The following RECQL4 variants were observed in gnomAD, a reference collection of about 807,000 sequenced individuals.
RECQL4 encodes the protein RecQ like helicase 4, also known as ATP-dependent DNA helicase Q4.
A neutral mutation model predicts 128.6 loss-of-function variants in RECQL4; 158 were observed. The ratio of observed to expected loss-of-function variants is 1.23; its 90% CI spans 1.08 to 1.40. The LOEUF is 1.40. RECQL4 is among the 40% of genes most tolerant of loss of function. The pLI is 0.00. For synonymous variants in RECQL4, 996 were observed against 678.9 expected (o/e 1.47, Z -7.26); for missense variants, 2,293 against 1,649.8 (o/e 1.39, Z -6.75).
chr8:144,514,282 C>G lies in RECQL4; in HGVS notation c.1785G>C (p.Gln595His), dbSNP rs1322763528. The change falls in exon 11 of 21, where the codon CAG (glutamine) becomes CAC (histidine). Residue 595 changes from glutamine (Q) to histidine (H), a missense_variant. Transcript: ENST00000617875. Reference protein sequence around the residue: ...VGAGGLPPAAQLPPVAFACID... With the variant: ...VGAGGLPPAAHLPPVAFACID... ...TGCAGGCAAAAGCAACTGGAGGCAG[C>G]TGTGCGGCTGGAGGGAGGCCTCCCG... 6.2e-7 allele frequency: 1 copy of G among 1,611,756 alleles called. No individual in the cohort carries two copies. Among genetic ancestry groups the G allele is most frequent in the Admixed American group, 1.7e-5 (1 of 59,960 alleles).
At chr8:144,514,384 G>C (rs749849762) in intron 10 of RECQL4, 22 bp from the exon 11 acceptor site, 1 of 1,599,536 alleles carries the variant, frequency 6.3e-7, no homozygotes, top group South Asian at 1.1e-5. Flanking sequence ...AAGATCAGAG[G>C]CACAGCCCAG....
chr8:144,512,869 C>G lies in RECQL4; in HGVS notation c.2733G>C (p.Gln911His). The G allele has an allele frequency of 1.2e-6, 2 of 1,600,740 alleles. No homozygotes were observed. Among genetic ancestry groups the G allele is most frequent in the Non-Finnish European group, 1.7e-6 (2 of 1,173,934 alleles). The change falls in exon 15 of 21, where the codon CAG becomes CAC. Residue 911 changes from glutamine to histidine, a missense_variant. Gln to His is a conservative substitution (Grantham distance 24). Coordinates refer to ENST00000617875, the MANE Select transcript of RECQL4 (RefSeq NM_004260.4). ...CACCCTCCTCCGGCATGTCCAAAGCCTGTACGGTAAGCTGTATTGGGAGTG... is the reference window on the plus strand; with the variant it reads ...CACCCTCCTCCGGCATGTCCAAAGCGTGTACGGTAAGCTGTATTGGGAGTG... ...ERALPIQLTVQALDMPEEAIE... is the reference protein window; with the variant it reads ...ERALPIQLTVHALDMPEEAIE...
Position 144,517,206 on chromosome 8 carries a change from G to A in RECQL4, c.214-16C>T, listed in dbSNP as rs371301551. On this transcript the variant is annotated splice_polypyrimidine_tract_variant and intron_variant, in intron 3 of 20. Transcript: ENST00000617875. The stretch of plus-strand genomic sequence containing the variant: ...GCTCTGGCGCCTGCAGGAGACAACA[G>A]GGGCACAGGCCAGAAAAGGCTGTTG... The A allele has an allele frequency of 3.1e-5, 50 of 1,587,404 alleles. No individual in the cohort carries two copies. The African/African-American group carries it at 6.0e-4, about 19-fold the overall frequency.
At chr8:144,516,997 G>C (rs1396160837) in intron 4 of RECQL4, 53 bp downstream of exon 4, 1 of 1,569,326 alleles carries the variant, frequency 6.4e-7, no homozygotes, top group Non-Finnish European at 8.7e-7. Flanking sequence ...GGGCGACCCG[G>C]ACCGGAAGCA....
Position 144,517,594 on chromosome 8 carries a change from G to A in RECQL4, c.118+8C>T, listed in dbSNP as rs1157702150. On this transcript the variant is annotated splice_region_variant and intron_variant, in intron 2 of 20. Coordinates refer to ENST00000617875, the MANE Select transcript of RECQL4 (RefSeq NM_004260.4). ...CTTCTCGCCCCCGCCGCCCCGCCGC[G>A]CGCTCACCGCGGGTCTCCTCCGGCG... is the stretch of plus-strand genomic sequence containing the variant. The A allele has an allele frequency of 2.7e-6, 4 of 1,480,768 alleles. No individual in the cohort carries two copies. Among genetic ancestry groups the A allele is most frequent in the Non-Finnish European group, 2.7e-6 (3 of 1,124,370 alleles). The allele number at this position is 1,480,768 out of a possible 1,614,324, so 91.7% of individuals were successfully genotyped here.
Position 144,514,099 on chromosome 8 carries a change from C to G in RECQL4, c.1887G>C (p.Arg629=), listed in dbSNP as rs774077187. 18 of 1,604,622 alleles carry G rather than the reference C, an allele frequency of 1.1e-5. No homozygotes were observed. Among genetic ancestry groups the G allele is most frequent in the Non-Finnish European group, 1.5e-5 (18 of 1,176,530 alleles). ...PCYLRVCKVL[R]ERMGVHCFLG... ...GGAAGCAGTGCACGCCCATGCGCTC[C>G]CGAAGCACCTGCACCAGAGGCGGCA... is the stretch of plus-strand genomic sequence containing the variant. Residue 629 remains arginine (R), a synonymous_variant, in exon 12 of 21, where the codon CGG becomes CGC. Coordinates refer to ENST00000617875, the MANE Select transcript of RECQL4 (RefSeq NM_004260.4).
At chr8:144,515,595 G>C (rs914011934) in intron 6 of RECQL4, 138 bp from the exon 7 acceptor site, 1 of 1,488,466 alleles carries the variant, frequency 6.7e-7, no homozygotes, top group Non-Finnish European at 9.2e-7. Flanking sequence ...AAGCAGAAAA[G>C]AGTGACAGCC....
chr8:144,517,141 T>C lies in RECQL4; in HGVS notation c.263A>G (p.Lys88Arg). The change falls in exon 4 of 21, where the codon AAG becomes AGG. Residue 88 changes from lysine to arginine, a missense_variant. By Grantham distance (26) the Lys-to-Arg change is conservative. Transcript: ENST00000617875. ...CCGCCCTGGCGTAGACTGTGGACTC[T>C]TGGTCGCAGCCCGATTCAGATGGGG... is the stretch of plus-strand genomic sequence containing the variant. ...WGPHLNRAAT[K>R]SPQSTPGRSR... The C allele has an allele frequency of 6.2e-7, 1 of 1,611,592 alleles. No homozygotes were observed.
chr8:144,516,003 C>G lies in RECQL4; in HGVS notation c.1116G>C (p.Arg372Ser), dbSNP rs779492418. 9 of 1,609,190 alleles carry G rather than the reference C, an allele frequency of 5.6e-6. No individual in the cohort carries two copies. Among genetic ancestry groups the G allele is most frequent in the South Asian group, 1.1e-5 (1 of 91,014 alleles). The change falls in exon 5 of 21, where the codon AGG (arginine) becomes AGC (serine). Residue 372 changes from arginine to serine, a missense_variant. Physicochemically the swap from Arg to Ser is moderately radical, Grantham distance 110. Transcript: ENST00000617875. ...GCTGTCTTACCTGCTTGCGGAGGAG[C>G]CTGCTACGGAGTGCCCGGCCCCGCA... is the stretch of plus-strand genomic sequence containing the variant. ...HYVRGRALRS[R>S]LLRKQAWKQK...
chr8:144,513,099 C>A lies in RECQL4; in HGVS notation c.2503G>T (p.Asp835Tyr). 6.4e-7 allele frequency: 1 copy of A among 1,571,288 alleles called. No homozygotes were observed. ...TTCACAGCCAGGAAGTCCGTGCTGT[C>A]GGCGTGCACATGTCTGCGCAGCTCT... ...LRELRRHVHA[D>Y]STDFLAVKRL... The change falls in exon 15 of 21, where the codon GAC (aspartate) becomes TAC (tyrosine). Residue 835 changes from aspartate to tyrosine, a missense_variant. Transcript: ENST00000617875.
Position 144,512,418 on chromosome 8 carries a change from A to G in RECQL4, c.3029T>C (p.Leu1010Pro), listed in dbSNP as rs1827424443. The G allele has an allele frequency of 1.9e-6, 3 of 1,608,114 alleles. No individual in the cohort carries two copies. Among genetic ancestry groups the G allele is most frequent in the Non-Finnish European group, 2.5e-6 (3 of 1,176,824 alleles). ...TGTCCTGGGCTCGTGGTCCCACTGCAGCTGGCAGAGAGCCCGCCGCACAGA... is the reference window on the plus strand; with the variant it reads ...TGTCCTGGGCTCGTGGTCCCACTGCGGCTGGCAGAGAGCCCGCCGCACAGA... ...LASVRRALCQ[L>P]QWDHEPRTGV... The change falls in exon 17 of 21, where the codon CTG becomes CCG. Residue 1010 changes from leucine (L) to proline (P), a missense_variant. Transcript: ENST00000617875.
In RECQL4 at chr8:144,515,017, C is replaced by G. The variant is rs1358624560; in HGVS notation, c.1539G>C (p.Gln513His). Residue 513 changes from glutamine (Q) to histidine (H), a missense_variant, in exon 9 of 21, where the codon CAG becomes CAC. Coordinates refer to ENST00000617875, the MANE Select transcript of RECQL4 (RefSeq NM_004260.4). ...GCCGGCTGTAGAGCAGCGCTGGGAG[C>G]TGGTAGCACAGGGACTTGCCGGCAC... ...PTGAGKSLCYQLPALLYSRRS... is the reference protein window; with the variant it reads ...PTGAGKSLCYHLPALLYSRRS... 6.2e-7 allele frequency: 1 copy of G among 1,610,884 alleles called. No homozygotes were observed. Among genetic ancestry groups the G allele is most frequent in the Non-Finnish European group, 8.5e-7 (1 of 1,179,230 alleles).
chr8:144,512,410 C>G lies in RECQL4; in HGVS notation c.3037G>C (p.Asp1013His). 6.2e-7 allele frequency: 1 copy of G among 1,607,290 alleles called. No homozygotes were observed. The highest frequency in any genetic ancestry group is 2.2e-5 in the East Asian group (1 of 44,746). The change falls in exon 17 of 21, where the codon GAC becomes CAC. Residue 1013 changes from aspartate (D) to histidine (H), a missense_variant. By Grantham distance (81) the Asp-to-His change is moderately conservative. Coordinates refer to ENST00000617875, the MANE Select transcript of RECQL4 (RefSeq NM_004260.4). ...VRRALCQLQW[D>H]HEPRTGVRRG... ...GGCGCACCTGTCCTGGGCTCGTGGT[C>G]CCACTGCAGCTGGCAGAGAGCCCGC...
At position 144,517,557 on chromosome 8, in the gene RECQL4, C is replaced by T. The variant is rs551328409; in HGVS notation, c.118+45G>A. ...GGTCAGGGTGGGGCCTGGGCCCCTG[C>T]CGACCCGGTGTCTTCTCGCCCCCGC... On this transcript the variant is annotated intron_variant, in intron 2 of 20. Coordinates refer to ENST00000617875, the MANE Select transcript of RECQL4 (RefSeq NM_004260.4). 179 of 1,512,982 alleles carry T rather than the reference C, an allele frequency of 1.2e-4. 3 individuals carry two copies. In the South Asian group the frequency reaches 1.9e-3, roughly 16 times the overall value. The allele number at this position is 1,512,982 out of a possible 1,614,324, so 93.7% of individuals were successfully genotyped here. A position where few individuals can be genotyped will look rare whatever the true frequency, so the allele number is the denominator to read the frequency against.
chr8:144,512,121 G>A, intron 18 of RECQL4, 23 bp downstream of exon 18: 3 of 1,601,670 alleles, frequency 1.9e-6, no homozygotes, highest in South Asian at 1.1e-5. Flanking sequence ...GATGGTCCCA[G>A]GCCCCGCCCG....
Position 144,517,768 on chromosome 8 carries a change from T to C in RECQL4, c.17A>G (p.Asp6Gly), listed in dbSNP as rs1815445943. Residue 6 changes from aspartate (D) to glycine (G), a missense_variant, in exon 1 of 21, where the codon GAC (aspartate) becomes GGC (glycine). Coordinates refer to ENST00000617875, the MANE Select transcript of RECQL4 (RefSeq NM_004260.4). ...CCACGCCTGCAGCCGCTCCCGCACG[T>C]CCCGCAGCCGCTCCATGGCGCGCGC... MERLRDVRERLQAWER... is the reference protein window; with the variant it reads MERLRGVRERLQAWER... 2 of 1,274,676 alleles carry C rather than the reference T, an allele frequency of 1.6e-6. No homozygotes were observed. Among genetic ancestry groups the C allele is most frequent in the Non-Finnish European group, 2.0e-6 (2 of 1,007,310 alleles). The allele number at this position is 1,274,676 out of a possible 1,614,324, so 79.0% of individuals were successfully genotyped here. A position where few individuals can be genotyped will look rare whatever the true frequency, so the allele number is the denominator to read the frequency against.
At chr8:144,514,847 G>A in intron 9 of RECQL4, 89 bp downstream of exon 9, 7 of 1,482,992 alleles carry the variant, frequency 4.7e-6, no homozygotes, top group Non-Finnish European at 5.5e-6. Context: ...AGGGGAGGGG[G>A]TGGTTAGGGG....
chr8:144,517,306 C>A (rs1352721706), intron 3 of RECQL4, 108 bp downstream of exon 3: 2 of 1,488,520 alleles, frequency 1.3e-6, no homozygotes, highest in African/African-American at 1.4e-5. Context: ...TTGCCCAGTC[C>A]CCCTCCCAAG....
At position 144,512,498 on chromosome 8, in the gene RECQL4, G is replaced by A. The variant is rs751727270; in HGVS notation, c.2949C>T (p.Ser983=). The change falls in exon 17 of 21, where the codon AGC becomes AGT. Residue 983 remains serine (S), a synonymous_variant. Transcript: ENST00000617875. ...QLPEDPGQGS[S]SVEFDMVKLV... is the part of the protein sequence containing the mutation. Reference sequence around the variant, plus strand: ...GCTTGACCATGTCAAACTCCACGGAGCTGCTGCCTTGCCCTGGGTCCTCAG... The same window carrying A: ...GCTTGACCATGTCAAACTCCACGGAACTGCTGCCTTGCCCTGGGTCCTCAG... The A allele has an allele frequency of 1.4e-5, 23 of 1,612,402 alleles. No homozygotes were observed. In the Admixed American group the frequency reaches 3.5e-4, roughly 25 times the overall value.
Sources: gnomAD v4.1 joint callset for allele counts on GRCh38, gnomAD v4.1.1 for gene constraint, MANE v1.5 for transcripts, NCBI Gene and HGNC (gene_info 2026-07-23, HGNC 2026-07-21) for gene names.